The following BCL2L2 variants were observed in gnomAD, a reference collection of about 807,000 sequenced individuals.
The protein encoded by BCL2L2 is BCL2 like 2.
In BCL2L2, 6 loss-of-function variants were observed where a neutral mutation model predicts 14.6. The observed-to-expected ratio is 0.41, with a 90% CI of 0.22 to 0.81. The LOEUF (loss-of-function observed/expected upper bound fraction) is 0.81, where lower values mean the gene tolerates loss of function less well. BCL2L2 is among the 30% of genes least tolerant of loss of function. The probability of loss-of-function intolerance (pLI) is 0.32; values close to 1 mark genes in which losing one functional copy is unlikely to be tolerated. For missense variants in BCL2L2, 191 were observed against 260.5 expected, an observed-to-expected ratio of 0.73 and a Z score of 1.84; for synonymous variants, 90 against 108.5, an observed-to-expected ratio of 0.83 and a Z score of 1.06.
At position 23,311,270 on chromosome 14, in the gene BCL2L2, ACT is replaced by A; in HGVS notation, c.*2310_*2311del. Reference sequence around the variant, plus strand: ...ACTCTTCTGTCAGGGAAAACTAGGGACTCTCTTCTAGAGCCATATAGTTCCTT... The same window carrying A: ...ACTCTTCTGTCAGGGAAAACTAGGGACTCTTCTAGAGCCATATAGTTCCTT... On this transcript the variant is annotated 3_prime_UTR_variant, in exon 4 of 4. Coordinates refer to ENST00000250405, the MANE Select transcript of BCL2L2 (RefSeq NM_004050.5). 1 of 1,197,134 alleles carries A rather than the reference ACT, an allele frequency of 8.4e-7. No homozygotes were observed. Among genetic ancestry groups the A allele is most frequent in the Non-Finnish European group, 1.1e-6 (1 of 950,640 alleles). 74.2% of individuals were successfully genotyped at this position (1,197,134 alleles called of 1,614,324 possible).
chr14:23,307,805 T>C lies in BCL2L2; in HGVS notation c.38T>C (p.Leu13Pro). ...GCCTCGGCCCCAGACACACGGGCTCTGGTGGCAGACTTTGTAGGTTATAAG... is the reference window on the plus strand; with the variant it reads ...GCCTCGGCCCCAGACACACGGGCTCCGGTGGCAGACTTTGTAGGTTATAAG... ...TPASAPDTRALVADFVGYKLR... is the reference protein window; with the variant it reads ...TPASAPDTRAPVADFVGYKLR... Residue 13 changes from leucine to proline, a missense_variant, in exon 3 of 4, where the codon CTG becomes CCG. Transcript: ENST00000250405. The C allele has an allele frequency of 1.9e-6, 3 of 1,546,768 alleles. No individual in the cohort carries two copies. Among genetic ancestry groups the C allele is most frequent in the Non-Finnish European group, 2.6e-6 (3 of 1,148,478 alleles).
chr14:23,307,617 C>G, intron 2 of BCL2L2, 143 bp from the exon 3 acceptor site: 1 of 1,100,412 alleles, frequency 9.1e-7, no homozygotes, highest in Non-Finnish European at 1.2e-6. Context: ...GACTTAATTC[C>G]CTTGTTCTTG....
chr14:23,311,146 A>C lies in BCL2L2; in HGVS notation c.*2181A>C. The C allele has an allele frequency of 7.8e-7, 1 of 1,287,122 alleles. No individual in the cohort carries two copies. Among genetic ancestry groups the C allele is most frequent in the South Asian group, 1.2e-5 (1 of 80,850 alleles). 79.7% of individuals were successfully genotyped at this position (1,287,122 alleles called of 1,614,324 possible). ...GAGAGGCTGTTTTCTGAAAGGGTAA[A>C]GGGCTTGGTCTGGATTCCCAGAAGC... On this transcript the variant is annotated 3_prime_UTR_variant, in exon 4 of 4. Transcript: ENST00000250405.
chr14:23,307,942 C>T lies in BCL2L2; in HGVS notation c.175C>T (p.Arg59Cys), dbSNP rs377103042. ...AGATGAGTTCGAGACCCGCTTCCGG[C>T]GCACCTTCTCTGATCTGGCGGCTCA... Reference protein sequence around the residue: ...AGDEFETRFRRTFSDLAAQLH... With the variant: ...AGDEFETRFRCTFSDLAAQLH... Residue 59 changes from arginine to cysteine, a missense_variant, in exon 3 of 4, where the codon CGC (arginine) becomes TGC (cysteine). Transcript: ENST00000250405. The T allele has an allele frequency of 1.2e-5, 20 of 1,613,772 alleles. No individual in the cohort carries two copies. The highest frequency in any genetic ancestry group is 2.7e-5 in the African/African-American group (2 of 74,928).
chr14:23,310,658 T>C lies in BCL2L2; in HGVS notation c.*1693T>C. On this transcript the variant is annotated 3_prime_UTR_variant, in exon 4 of 4. Transcript: ENST00000250405. ...CTGACACCAGAAACTCAGAGCCAGC[T>C]TGTGGCAAGCAGTTGGGGTGGGGGG... The C allele has an allele frequency of 8.8e-7, 1 of 1,138,958 alleles. No homozygotes were observed. The highest frequency in any genetic ancestry group is 1.1e-6 in the Non-Finnish European group (1 of 919,438). 70.6% of individuals were successfully genotyped at this position (1,138,958 alleles called of 1,614,324 possible). A position where few individuals can be genotyped will look rare whatever the true frequency, so the allele number is the denominator to read the frequency against.
rs905614398 is a variant in BCL2L2, at chr14:23,309,992, G to C, written c.*1027G>C. ...AGTCTGGGTCCCACACTGTGTCTCA[G>C]TGAGACTGTTGATGCCTTGAGATGA... On this transcript the variant is annotated 3_prime_UTR_variant, in exon 4 of 4. Coordinates refer to ENST00000250405, the MANE Select transcript of BCL2L2 (RefSeq NM_004050.5). 2 of 985,438 alleles carry C rather than the reference G, an allele frequency of 2.0e-6. No homozygotes were observed. The highest frequency in any genetic ancestry group is 3.5e-5 in the African/African-American group (2 of 57,252). 61.0% of individuals were successfully genotyped at this position (985,438 alleles called of 1,614,324 possible). A position where few individuals can be genotyped will look rare whatever the true frequency, so the allele number is the denominator to read the frequency against.
Position 23,310,786 on chromosome 14 carries a change from G to A in BCL2L2, c.*1821G>A. On this transcript the variant is annotated 3_prime_UTR_variant, in exon 4 of 4. Transcript: ENST00000250405. Reference sequence around the variant, plus strand: ...CCTCAGGAGTCCTTGGGGAGATGAAGGGGGTGGGGAGCTGAGCAGGCTGGG... The same window carrying A: ...CCTCAGGAGTCCTTGGGGAGATGAAAGGGGTGGGGAGCTGAGCAGGCTGGG... 2 of 1,194,488 alleles carry A rather than the reference G, an allele frequency of 1.7e-6. No individual in the cohort carries two copies. The highest frequency in any genetic ancestry group is 3.0e-5 in the South Asian group (2 of 66,418). 74.0% of individuals were successfully genotyped at this position (1,194,488 alleles called of 1,614,324 possible). A position where few individuals can be genotyped will look rare whatever the true frequency, so the allele number is the denominator to read the frequency against.
Position 23,308,697 on chromosome 14 carries a change from T to G in BCL2L2, c.433-119T>G. On this transcript the variant is annotated intron_variant, in intron 3 of 3. Transcript: ENST00000250405. This position sits in a 1 kb window ranked among gnomAD's most constrained non-coding sequence, Gnocchi z 5.4. ...GAGCTTTGGCCAGAGAGGAGCTGGG[T>G]ATGGGGTAGTGCTCGCAGTGGATGG... 1.2e-6 allele frequency: 1 copy of G among 806,900 alleles called. No individual in the cohort carries two copies. The highest frequency in any genetic ancestry group is 1.8e-6 in the Non-Finnish European group (1 of 567,636). The allele number at this position is 806,900 out of a possible 1,614,324, so 50.0% of individuals were successfully genotyped here.
Position 23,308,464 on chromosome 14 carries a change from G to A in BCL2L2, c.432+265G>A, listed in dbSNP as rs1887396360. On this transcript the variant is annotated intron_variant, in intron 3 of 3. Coordinates refer to ENST00000250405, the MANE Select transcript of BCL2L2 (RefSeq NM_004050.5). This position sits in a 1 kb window ranked among gnomAD's most constrained non-coding sequence, Gnocchi z 5.4. ...GAGTGCCTGCAGGGGAATGTTGTCA[G>A]GGACTTTTTACATCTGAGTCATGGC... 6.6e-6 allele frequency among the ~76,000 whole-genome samples: 1 copy of A among 152,232 alleles called. No individual in the cohort carries two copies. The highest frequency in any genetic ancestry group is 2.4e-5 in the African/African-American group (1 of 41,544).
In BCL2L2 at chr14:23,311,528, C is replaced by G; in HGVS notation, c.*2563C>G. The G allele has an allele frequency of 1.0e-6, 1 of 992,512 alleles. No individual in the cohort carries two copies. Among genetic ancestry groups the G allele is most frequent in the Non-Finnish European group, 1.2e-6 (1 of 834,970 alleles). The allele number at this position is 992,512 out of a possible 1,614,324, so 61.5% of individuals were successfully genotyped here. A position where few individuals can be genotyped will look rare whatever the true frequency, so the allele number is the denominator to read the frequency against. ...CTGCGATTATTAATCCCACTCCCCA[C>G]TTATTCTAGGGCACACAAACACTAT... On this transcript the variant is annotated 3_prime_UTR_variant, in exon 4 of 4. Transcript: ENST00000250405.
Position 23,310,087 on chromosome 14 carries a change from G to T in BCL2L2, c.*1122G>T. ...CCAGGACTGGCCTATGCTGTGTTGT[G>T]GGCTTTGGTTCGGCTTTATCAGGGG... On this transcript the variant is annotated 3_prime_UTR_variant, in exon 4 of 4. Coordinates refer to ENST00000250405, the MANE Select transcript of BCL2L2 (RefSeq NM_004050.5). The T allele has an allele frequency of 1.0e-6, 1 of 985,486 alleles. No individual in the cohort carries two copies. Among genetic ancestry groups the T allele is most frequent in the Non-Finnish European group, 1.2e-6 (1 of 830,044 alleles). The allele number at this position is 985,486 out of a possible 1,614,324, so 61.0% of individuals were successfully genotyped here. A position where few individuals can be genotyped will look rare whatever the true frequency, so the allele number is the denominator to read the frequency against.
Position 23,311,353 on chromosome 14 carries a change from T to C in BCL2L2, c.*2388T>C. On this transcript the variant is annotated 3_prime_UTR_variant, in exon 4 of 4. Transcript: ENST00000250405. ...ATGGTTCCCAATTTTTAAATCCATT[T>C]CATTTTTTAAAAAATAAGGGAAATA... is the stretch of plus-strand genomic sequence containing the variant. The C allele has an allele frequency of 9.2e-7, 1 of 1,086,776 alleles. No homozygotes were observed. The highest frequency in any genetic ancestry group is 1.1e-6 in the Non-Finnish European group (1 of 891,284). 67.3% of individuals were successfully genotyped at this position (1,086,776 alleles called of 1,614,324 possible). A position where few individuals can be genotyped will look rare whatever the true frequency, so the allele number is the denominator to read the frequency against.
Position 23,311,047 on chromosome 14 carries a change from C to T in BCL2L2, c.*2082C>T. On this transcript the variant is annotated 3_prime_UTR_variant, in exon 4 of 4. Transcript: ENST00000250405. Reference sequence around the variant, plus strand: ...TGTTAGCATTCCCCGGGACCTTTAGCCAAGAGGAGCTGCAGGGACCATGGC... The same window carrying T: ...TGTTAGCATTCCCCGGGACCTTTAGTCAAGAGGAGCTGCAGGGACCATGGC... The T allele has an allele frequency of 7.8e-7, 1 of 1,289,502 alleles. No homozygotes were observed. Among genetic ancestry groups the T allele is most frequent in the South Asian group, 1.2e-5 (1 of 81,026 alleles). 79.9% of individuals were successfully genotyped at this position (1,289,502 alleles called of 1,614,324 possible).
In BCL2L2 at chr14:23,309,216, G is replaced by T; in HGVS notation, c.*251G>T. On this transcript the variant is annotated 3_prime_UTR_variant, in exon 4 of 4. Coordinates refer to ENST00000250405, the MANE Select transcript of BCL2L2 (RefSeq NM_004050.5). ...AGATGTAGTCGTTCCAGGGCTGGGG[G>T]AGGTGGGAGGGATCACGCCTATAGG... 1 of 1,109,176 alleles carries T rather than the reference G, an allele frequency of 9.0e-7. No individual in the cohort carries two copies. The highest frequency in any genetic ancestry group is 1.1e-6 in the Non-Finnish European group (1 of 910,532). The allele number at this position is 1,109,176 out of a possible 1,614,324, so 68.7% of individuals were successfully genotyped here. A position where few individuals can be genotyped will look rare whatever the true frequency, so the allele number is the denominator to read the frequency against.
rs1025607345 is a variant in BCL2L2, at chr14:23,309,645, T to G, written c.*680T>G. On this transcript the variant is annotated 3_prime_UTR_variant, in exon 4 of 4. Transcript: ENST00000250405. ...TATCCAGACCGAGGGCTCTGCTGCT[T>G]CTTTCCAGAAAGTGATTGGCAAGGC... The G allele has an allele frequency of 5.1e-6, 5 of 985,500 alleles. No homozygotes were observed. Among genetic ancestry groups the G allele is most frequent in the Non-Finnish European group, 6.0e-6 (5 of 830,058 alleles). The allele number at this position is 985,500 out of a possible 1,614,324, so 61.0% of individuals were successfully genotyped here. A position where few individuals can be genotyped will look rare whatever the true frequency, so the allele number is the denominator to read the frequency against.
At position 23,311,649 on chromosome 14, in the gene BCL2L2, A is replaced by G; in HGVS notation, c.*2684A>G. 1 of 924,570 alleles carries G rather than the reference A, an allele frequency of 1.1e-6. No homozygotes were observed. Among genetic ancestry groups the G allele is most frequent in the Middle Eastern group, 5.6e-4 (1 of 1,788 alleles). The allele number at this position is 924,570 out of a possible 1,614,324, so 57.3% of individuals were successfully genotyped here. On this transcript the variant is annotated 3_prime_UTR_variant, in exon 4 of 4. Coordinates refer to ENST00000250405, the MANE Select transcript of BCL2L2 (RefSeq NM_004050.5). The stretch of plus-strand genomic sequence containing the variant: ...TATAAATCTATATTCCTGTATTTTT[A>G]TTTAATAATTTATAAATACCAAGTT...
chr14:23,309,042 G>A lies in BCL2L2; in HGVS notation c.*77G>A. On this transcript the variant is annotated 3_prime_UTR_variant, in exon 4 of 4. Transcript: ENST00000250405. ...ACAGAACAGAGAAATGCCCTTGGAA[G>A]AAGTGGAGTTGGTGGATGGGTGGGC... 1 of 1,304,634 alleles carries A rather than the reference G, an allele frequency of 7.7e-7. No individual in the cohort carries two copies. The allele number at this position is 1,304,634 out of a possible 1,614,324, so 80.8% of individuals were successfully genotyped here.
Position 23,308,731 on chromosome 14 carries a change from C to T in BCL2L2, c.433-85C>T. On this transcript the variant is annotated intron_variant, in intron 3 of 3. Transcript: ENST00000250405. This position sits in a 1 kb window ranked among gnomAD's most constrained non-coding sequence, Gnocchi z 5.4. ...GTGCTCGCAGTGGATGGAACTGGAA[C>T]TCTTCCTCTCCTCTTCTCTCCACTC... 8.8e-7 allele frequency: 1 copy of T among 1,131,112 alleles called. No homozygotes were observed. The highest frequency in any genetic ancestry group is 2.9e-5 in the East Asian group (1 of 34,834). 70.1% of individuals were successfully genotyped at this position (1,131,112 alleles called of 1,614,324 possible).
rs958257025 is a variant in BCL2L2, at chr14:23,311,710, C to T, written c.*2745C>T. ...TTATTTTTGTGTAATATGTAATGAT[C>T]GTATTAAAAACAATAAATAAAGCCC... is the stretch of plus-strand genomic sequence containing the variant. On this transcript the variant is annotated 3_prime_UTR_variant, in exon 4 of 4. Transcript: ENST00000250405. The T allele has an allele frequency of 2.1e-6, 2 of 942,824 alleles. No homozygotes were observed. The highest frequency in any genetic ancestry group is 2.5e-6 in the Non-Finnish European group (2 of 791,418). 58.4% of individuals were successfully genotyped at this position (942,824 alleles called of 1,614,324 possible).
Sources: allele counts gnomAD v4.1 joint callset (sites outside exome capture counted in the v4.1 genomes callset), GRCh38; gene constraint gnomAD v4.1.1; non-coding constraint Gnocchi (gnomAD v3.1); transcripts MANE v1.5; gene names NCBI Gene and HGNC (gene_info 2026-07-23, HGNC 2026-07-21).